The following CLOCK variants were observed in gnomAD, a reference collection of about 807,000 sequenced individuals.
CLOCK encodes clock circadian regulator, also known as circadian locomoter output cycles protein kaput.
Under a neutral mutation model 118.4 loss-of-function variants are expected in CLOCK, and 43 were observed. The ratio of observed to expected loss-of-function variants is 0.36; its 90% CI spans 0.28 to 0.47. The LOEUF is 0.47. Ranked by LOEUF, CLOCK falls within the 20% of genes least tolerant of loss-of-function variation. CLOCK has a pLI of 1.00. For synonymous variants in CLOCK, 326 were observed against 339.2 expected (o/e 0.96, Z 0.43); for missense variants, 846 against 999.9 (o/e 0.85, Z 2.08).
rs1017740629 is a variant in CLOCK at position 55,442,615 on chromosome 4, C to T, written c.1922G>A (p.Ser641Asn). Residue 641 changes from serine (S) to asparagine (N), a missense_variant, in exon 21 of 23, where the codon AGT becomes AAT. Ser to Asn is a conservative substitution (Grantham distance 46). Coordinates refer to ENST00000513440, the MANE Select transcript of CLOCK (RefSeq NM_004898.4). ...TAGAGATGTTTGCTGACTGTGCCCA[C>T]TCAGTACATTTTGTTGACTCTGTTA... ...TSTQSQQNVL[S>N]GHSQQTSLPS... The T allele has an allele frequency of 1.2e-6, 2 of 1,612,872 alleles. No individual in the cohort carries two copies. The highest frequency in any genetic ancestry group is 1.3e-5 in the African/African-American group (1 of 74,454).
In CLOCK at chr4:55,503,978, T is replaced by TAAAAGAAAAAAAAA. The variant is rs1553900254; in HGVS notation, c.-136+5933_-136+5934insTTTTTTTTTCTTTT. On this transcript the variant is annotated intron_variant, in intron 2 of 22. Transcript: ENST00000513440. Reference sequence around the variant, plus strand: ...ACAGTTTCTATTTGGCAAAAAGAGGTAAAAAAAAAAAAAAAAAAAAAAAAA... The same window carrying TAAAAGAAAAAAAAA: ...ACAGTTTCTATTTGGCAAAAAGAGGTAAAAGAAAAAAAAAAAAAAAAAAAAAAAAAAAAAAAAAA... 2.6e-3 allele frequency among the ~76,000 whole-genome samples: 186 copies of TAAAAGAAAAAAAAA among 71,136 alleles called. 28 individuals are homozygous for TAAAAGAAAAAAAAA. Among genetic ancestry groups the TAAAAGAAAAAAAAA allele is most frequent in the East Asian group, 0.025 (48 of 1,898 alleles). The allele number at this position is 71,136 out of a possible 152,430, so 46.7% of individuals were successfully genotyped here.
intron 3 of CLOCK, among the ~76,000 whole-genome samples, chr4:55,487,772 G>C (rs1285165696): frequency 6.6e-6 from 1 of 152,110 alleles, no homozygotes. Flanking sequence ...AATTATAGAG[G>C]TTCTACAGTG....
chr4:55,529,986 A>C (rs1303840486), intron 1 of CLOCK, among the ~76,000 whole-genome samples: 1 of 152,246 alleles, frequency 6.6e-6, no homozygotes, highest in African/African-American at 2.4e-5. Context: ...AAAGAGATAA[A>C]GAAATGAGGA....
chr4:55,526,670 C>T (rs145893025), intron 1 of CLOCK, among the ~76,000 whole-genome samples: 31 of 151,982 alleles, frequency 2.0e-4, no homozygotes, highest in African/African-American at 5.8e-4. Flanking sequence ...AGCTCTAGGC[C>T]GGGCACGGTG....
chr4:55,513,104 T>C (rs1207408366), intron 1 of CLOCK, among the ~76,000 whole-genome samples: 1 of 152,148 alleles, frequency 6.6e-6, no homozygotes, highest in Non-Finnish European at 1.5e-5. Context: ...CATTCAATCA[T>C]CACTCACTCA....
At chr4:55,527,514 C>CT (rs1446862691) in intron 1 of CLOCK, among the ~76,000 whole-genome samples, 2 of 151,660 alleles carry the variant, frequency 1.3e-5, no homozygotes, top group Non-Finnish European at 2.9e-5. Context: ...CAAATAATAC[C>CT]TTTTTTAAAA....
chr4:55,541,590 T>A (rs1731270984), intron 1 of CLOCK, among the ~76,000 whole-genome samples: 1 of 152,194 alleles, frequency 6.6e-6, no homozygotes, highest in South Asian at 2.1e-4. Context: ...AGAGGTGACA[T>A]AATATATATG....
rs73151857 is a variant in CLOCK at position 55,434,563 on chromosome 4, A to C, written c.*852T>G. 92 of 151,248 alleles carry C rather than the reference A, an allele frequency of 6.1e-4. No homozygotes were observed. Among genetic ancestry groups the C allele is most frequent in the African/African-American group, 2.1e-3 (87 of 41,414 alleles). The allele number at this position is 151,248 out of a possible 1,614,324, so 9.4% of individuals were successfully genotyped here. On this transcript the variant is annotated 3_prime_UTR_variant, in exon 23 of 23. Transcript: ENST00000513440. The stretch of plus-strand genomic sequence containing the variant: ...ATGAGGGATATTTCTGAATAACTTG[A>C]AAATCCTGTTGTATCAATAATTTAA...
intron 1 of CLOCK, among the ~76,000 whole-genome samples, chr4:55,535,629 C>T (rs770954814): frequency 2.0e-5 from 3 of 151,602 alleles, no homozygotes; most frequent in Non-Finnish European, 4.4e-5. Flanking sequence ...AATATTCTTG[C>T]TAAGAACAAC....
At chr4:55,489,527 G>A (rs907522143) in intron 2 of CLOCK, 62 bp from the exon 3 acceptor site, 35 of 151,520 alleles carry the variant, frequency 2.3e-4, no homozygotes, top group African/African-American at 8.5e-4. Flanking sequence ...TCATTAAAAG[G>A]GTTTTAAAAT....
intron 4 of CLOCK, among the ~76,000 whole-genome samples, chr4:55,480,752 G>A (rs1303074828): frequency 2.0e-5 from 3 of 151,958 alleles, no homozygotes; most frequent in East Asian, 1.9e-4. Flanking sequence ...TTAGCCGGGC[G>A]TGGTGATGGG....
chr4:55,452,847 A>T (rs1724586789), intron 15 of CLOCK: 1 of 458,950 alleles, frequency 2.2e-6, no homozygotes, highest in Non-Finnish European at 3.9e-6. Context: ...TTTTGAGATC[A>T]GACACATCTC....
chr4:55,525,524 CAG>C (rs911385695), intron 1 of CLOCK, among the ~76,000 whole-genome samples: 6 of 151,454 alleles, frequency 4.0e-5, no homozygotes, highest in African/African-American at 7.3e-5. Context: ...TTTTTTGAGA[CAG>C]AGTTTCACTC....
chr4:55,466,438 C>T lies in CLOCK; in HGVS notation c.439-2633G>A, dbSNP rs138031398. 9.0e-3 allele frequency among the ~76,000 whole-genome samples: 1,370 copies of T among 152,186 alleles called. 14 individuals are homozygous for T. Among genetic ancestry groups the T allele is most frequent in the Non-Finnish European group, 0.014 (959 of 68,014 alleles). The stretch of plus-strand genomic sequence containing the variant: ...GCAGTGTGACAACAGACTAATACAT[C>T]ATCTTAATAGAAAAACATGCCACCA... On this transcript the variant is annotated intron_variant, in intron 8 of 22. Transcript: ENST00000513440.
intron 1 of CLOCK, among the ~76,000 whole-genome samples, chr4:55,546,290 C>T (rs1731619731): frequency 6.6e-6 from 1 of 152,186 alleles, no homozygotes; most frequent in African/African-American, 2.4e-5. Flanking sequence ...CCCGCCCCTG[C>T]CCCGCAGGTA....
At chr4:55,519,771 T>C (rs548511283) in intron 1 of CLOCK, among the ~76,000 whole-genome samples, 1 of 151,926 alleles carries the variant, frequency 6.6e-6, no homozygotes, top group Admixed American at 6.6e-5. Flanking sequence ...AGCAAAAATC[T>C]GCCTCAAAAA....
Position 55,444,643 on chromosome 4 carries a change from T to C in CLOCK, c.1682A>G (p.Gln561Arg), listed in dbSNP as rs139335390. The change falls in exon 19 of 23, where the codon CAG becomes CGG. Residue 561 changes from glutamine (Q) to arginine (R), a missense_variant. This residue lies in a region of CLOCK where 520 missense variants were observed against 558.0 expected (regional missense o/e 0.93). Coordinates refer to ENST00000513440, the MANE Select transcript of CLOCK (RefSeq NM_004898.4). Reference protein sequence around the residue: ...IQEQLQMVHGQGLQMFLQQSN... With the variant: ...IQEQLQMVHGRGLQMFLQQSN... ...AAATATAACAATTACCTGCAGCCCCTGACCATGGACCATCTGAAGTTGTTC... is the reference window on the plus strand; with the variant it reads ...AAATATAACAATTACCTGCAGCCCCCGACCATGGACCATCTGAAGTTGTTC... The C allele has an allele frequency of 2.5e-6, 4 of 1,613,970 alleles. No individual in the cohort carries two copies. Among genetic ancestry groups the C allele is most frequent in the Admixed American group, 1.7e-5 (1 of 60,006 alleles).
In CLOCK at chr4:55,444,757, A is replaced by C. The variant is rs1387354726; in HGVS notation, c.1568T>G (p.Met523Arg). The C allele has an allele frequency of 1.9e-6, 3 of 1,614,064 alleles. No homozygotes were observed. The Admixed American group carries it at 5.0e-5, about 27-fold the overall frequency. ...QFQFSAQLGA[M>R]QHLKDQLEQR... ...TTCCAATTGGTCTTTCAGATGTTGC[A>C]TGGCTCCTAATTGAGCTGAAAACTG... is the stretch of plus-strand genomic sequence containing the variant. Residue 523 changes from methionine (M) to arginine (R), a missense_variant, in exon 19 of 23, where the codon ATG (methionine) becomes AGG (arginine). By Grantham distance (91) the Met-to-Arg change is moderately conservative. Transcript: ENST00000513440.
In CLOCK at chr4:55,543,853, A is replaced by G. The variant is rs931395; in HGVS notation, c.-290+2929T>C. Among the ~76,000 whole-genome samples the G allele has an allele frequency of 4.9e-3, 749 of 152,332 alleles. 4 individuals are homozygous for G. The highest frequency in any genetic ancestry group is 0.017 in the African/African-American group (712 of 41,578). On this transcript the variant is annotated intron_variant, in intron 1 of 22. Coordinates refer to ENST00000513440, the MANE Select transcript of CLOCK (RefSeq NM_004898.4). Reference sequence around the variant, plus strand: ...GACCCACATGGAATTCAAATGAAAAATAAGTGACACTTTGCAGAAGTCTAT... The same window carrying G: ...GACCCACATGGAATTCAAATGAAAAGTAAGTGACACTTTGCAGAAGTCTAT...
Sources: allele counts gnomAD v4.1 joint callset (sites outside exome capture counted in the v4.1 genomes callset), GRCh38; gene constraint gnomAD v4.1.1; regional missense constraint gnomAD v4.1.1; transcripts MANE v1.5; gene names NCBI Gene and HGNC (gene_info 2026-07-23, HGNC 2026-07-21).